CAMTA1: variants seen among roughly 807,000 people sequenced by gnomAD.
CAMTA1 encodes the protein calmodulin binding transcription activator 1, also known as calmodulin-binding transcription activator 1.
In CAMTA1, 27 loss-of-function variants were observed where a neutral mutation model predicts 170.9. The ratio of observed to expected loss-of-function variants is 0.16; its 90% CI spans 0.12 to 0.22. The LOEUF (loss-of-function observed/expected upper bound fraction) is 0.22. Among genes scored for constraint, CAMTA1 ranks in the 10% least tolerant of loss-of-function variants. CAMTA1 has a pLI of 1.00. For missense variants in CAMTA1, 1,619 were observed against 2,217.2 expected (o/e 0.73, Z 5.42); for synonymous variants, 833 against 891.5 (o/e 0.93, Z 1.17).
At chr1:7,139,307 AAT>A (rs1645755356) in intron 4 of CAMTA1, among the ~76,000 whole-genome samples, 1 of 98,748 alleles carries the variant, frequency 1.0e-5, no homozygotes, top group Non-Finnish European at 2.4e-5. Context: ...AAAATTATAT[AAT>A]ATATATTTAT....
intron 5 of CAMTA1, among the ~76,000 whole-genome samples, chr1:7,307,961 A>G (rs990343369): frequency 3.9e-5 from 6 of 152,014 alleles, no homozygotes; most frequent in Admixed American, 2.6e-4. Context: ...AAAATTTGTC[A>G]GGGAAACCAT....
intron 11 of CAMTA1, among the ~76,000 whole-genome samples, chr1:7,692,376 A>AGAGG (rs1358790546): frequency 6.6e-6 from 1 of 152,008 alleles, no homozygotes; most frequent in Non-Finnish European, 1.5e-5. Flanking sequence ...TAGGCCTCAG[A>AGAGG]GAGGGAGGGG....
At chr1:6,859,063 T>C (rs75911465) in intron 3 of CAMTA1, among the ~76,000 whole-genome samples, 1 of 152,248 alleles carries the variant, frequency 6.6e-6, no homozygotes, top group Non-Finnish European at 1.5e-5. Context: ...AAATGGTCTT[T>C]GAAAAATTCT....
chr1:7,622,835 T>G (rs567313070), intron 6 of CAMTA1, among the ~76,000 whole-genome samples: 16 of 152,394 alleles, frequency 1.0e-4, no homozygotes, highest in African/African-American at 3.8e-4. Context: ...GCCGCCATCA[T>G]GGAACTCGGC....
intron 6 of CAMTA1, among the ~76,000 whole-genome samples, chr1:7,494,226 A>C (rs2093789431): frequency 1.3e-5 from 2 of 151,822 alleles, no homozygotes; most frequent in Admixed American, 1.3e-4. Context: ...TTCAGGCCCT[A>C]GATTTTCCTG....
At chr1:7,399,764 G>GT (rs981456751) in intron 5 of CAMTA1, among the ~76,000 whole-genome samples, 3 of 151,920 alleles carry the variant, frequency 2.0e-5, no homozygotes, top group African/African-American at 7.3e-5. Context: ...AGGCTGGCAG[G>GT]TTTTTTTTCT....
rs565743265 is a variant in CAMTA1 at position 7,461,949 on chromosome 1, C to G, written c.439-5881C>G. Among the ~76,000 whole-genome samples, 13 of 152,390 alleles carry G rather than the reference C, an allele frequency of 8.5e-5. No homozygotes were observed. The South Asian group carries it at 2.7e-3, about 32-fold the overall frequency. On this transcript the variant is annotated intron_variant, in intron 5 of 22. Coordinates refer to ENST00000303635, the MANE Select transcript of CAMTA1 (RefSeq NM_015215.4). Reference sequence around the variant, plus strand: ...TACGCCTGGGCCATGCTCCCCTTCCCTGCCCTGCCTAAGGGCGCACAGGAA... The same window carrying G: ...TACGCCTGGGCCATGCTCCCCTTCCGTGCCCTGCCTAAGGGCGCACAGGAA...
At chr1:7,541,354 C>G (rs1002707718) in intron 6 of CAMTA1, among the ~76,000 whole-genome samples, 6 of 152,300 alleles carry the variant, frequency 3.9e-5, no homozygotes, top group African/African-American at 1.2e-4. Flanking sequence ...AAAGAAATCA[C>G]CACCCTTGTC....
intron 6 of CAMTA1, among the ~76,000 whole-genome samples, chr1:7,619,188 C>T (rs981071285): frequency 3.3e-5 from 5 of 152,320 alleles, no homozygotes; most frequent in East Asian, 1.9e-4. Context: ...ACCATCACCA[C>T]GGAGCCATGC....
At chr1:7,353,102 G>A (rs1156371297) in intron 5 of CAMTA1, among the ~76,000 whole-genome samples, 1 of 152,142 alleles carries the variant, frequency 6.6e-6, no homozygotes, top group Non-Finnish European at 1.5e-5. Flanking sequence ...CCTAGGTCAT[G>A]TGTGGGCTTG....
At chr1:7,166,873 C>T (rs1257051765) in intron 4 of CAMTA1, among the ~76,000 whole-genome samples, 1 of 150,994 alleles carries the variant, frequency 6.6e-6, no homozygotes, top group Non-Finnish European at 1.5e-5. Context: ...CGCAGTGGTG[C>T]AATCTTGGCT....
rs563986990 is a variant in CAMTA1 at position 7,362,246 on chromosome 1, G to T, written c.439-105584G>T. Among the ~76,000 whole-genome samples the T allele has an allele frequency of 9.8e-5, 15 of 152,366 alleles. 1 individual carries two copies. In the South Asian group the frequency reaches 2.9e-3, roughly 29 times the overall value. On this transcript the variant is annotated intron_variant, in intron 5 of 22. Transcript: ENST00000303635. ...AGAATTGATGAACTTGAGCAGAGTT[G>T]GTGGACTTGGGTAGTGCTGGTAAAC...
intron 3 of CAMTA1, among the ~76,000 whole-genome samples, chr1:7,017,347 C>T (rs971336893): frequency 3.3e-5 from 5 of 152,240 alleles, no homozygotes; most frequent in Non-Finnish European, 5.9e-5. Flanking sequence ...TTTCTGTAGT[C>T]TCTTCAAGCT....
intron 6 of CAMTA1, among the ~76,000 whole-genome samples, chr1:7,572,704 C>T (rs1223734506): frequency 6.6e-6 from 1 of 152,156 alleles, no homozygotes; most frequent in African/African-American, 2.4e-5. Flanking sequence ...CAATCATCTC[C>T]CAAACCCCCA....
rs551649217 is a variant in CAMTA1 at position 6,993,225 on chromosome 1, C to T, written c.235-98079C>T. The stretch of plus-strand genomic sequence containing the variant: ...TGACATTTTCATATAAATTTAGAAT[C>T]AGCTTGTCAATTTCTATTAAAAAAA... On this transcript the variant is annotated intron_variant, in intron 3 of 22. Coordinates refer to ENST00000303635, the MANE Select transcript of CAMTA1 (RefSeq NM_015215.4). Among the ~76,000 whole-genome samples, 218 of 152,122 alleles carry T rather than the reference C, an allele frequency of 1.4e-3. 1 individual carries two copies. Among genetic ancestry groups the T allele is most frequent in the Non-Finnish European group, 2.5e-3 (173 of 67,994 alleles).
intron 4 of CAMTA1, among the ~76,000 whole-genome samples, chr1:7,244,077 G>A (rs567517968): frequency 2.0e-4 from 31 of 152,272 alleles, no homozygotes; most frequent in South Asian, 1.0e-3. Context: ...AAAAGTGGGC[G>A]AGGGATATGA....
At chr1:7,098,920 C>A (rs1642406754) in intron 4 of CAMTA1, among the ~76,000 whole-genome samples, 1 of 152,130 alleles carries the variant, frequency 6.6e-6, no homozygotes, top group Non-Finnish European at 1.5e-5. Flanking sequence ...CTCCTCACTT[C>A]TTGGGGCCAG....
At chr1:7,288,577 C>A (rs749736810) in intron 5 of CAMTA1, among the ~76,000 whole-genome samples, 6 of 152,132 alleles carry the variant, frequency 3.9e-5, no homozygotes, top group Non-Finnish European at 8.8e-5. Context: ...CAGGACAGGG[C>A]AGTGTGCTGG....
At chr1:7,749,812 T>C (rs1290179832) in intron 19 of CAMTA1, 2 of 456,276 alleles carry the variant, frequency 4.4e-6, no homozygotes, top group Non-Finnish European at 8.8e-6. Context: ...ACCCAAGCCC[T>C]CTCACAAACC....
Sources: gnomAD v4.1 joint callset for allele counts (sites outside exome capture counted in the v4.1 genomes callset) on GRCh38, gnomAD v4.1.1 for gene constraint, MANE v1.5 for transcripts, NCBI Gene and HGNC (gene_info 2026-07-23, HGNC 2026-07-21) for gene names.